ATRX: variants seen among roughly 807,000 people sequenced by gnomAD.
ATRX encodes ATRX chromatin remodeler.
A neutral mutation model predicts 172.6 loss-of-function variants in ATRX; 12 were observed. The ratio of observed to expected loss-of-function variants is 0.07; its 90% CI spans 0.04 to 0.11. The LOEUF is 0.11. Among genes scored for constraint, ATRX ranks in the 10% least tolerant of loss-of-function variants. The pLI is 1.00. For synonymous variants in ATRX, 674 were observed against 594.7 expected (o/e 1.13, Z -1.94); for missense variants, 1,368 against 1,767.4 (o/e 0.77, Z 4.05).
rs781829353 is a variant in ATRX at position 77,764,159 on chromosome X, C to CGT, written c.20+21821_20+21822dup. On this transcript the variant is annotated intron_variant, in intron 1 of 34. Coordinates refer to ENST00000373344, the MANE Select transcript of ATRX (RefSeq NM_000489.6). ...TAGAGAATGTTTTAATACCTAGCTC[C>CGT]GTATACTATAGCCTAGAACAGATTA... Among the ~76,000 whole-genome samples, 10 of 111,465 alleles carry CGT rather than the reference C, an allele frequency of 9.0e-5. No individual in the cohort carries two copies. The East Asian group carries it at 2.8e-3, about 32-fold the overall frequency.
At chrX:77,560,297 C>A (rs1418423174) in intron 28 of ATRX, among the ~76,000 whole-genome samples, 1 of 111,192 alleles carries the variant, frequency 9.0e-6, no homozygotes, top group Non-Finnish European at 1.9e-5. Context: ...AGTTCCACTC[C>A]CCAGAAACAA....
chrX:77,591,702 C>A (rs1358238271), intron 26 of ATRX, among the ~76,000 whole-genome samples: 1 of 112,002 alleles, frequency 8.9e-6, no homozygotes, highest in Non-Finnish European at 1.9e-5. Flanking sequence ...ATGACCAAGG[C>A]CTATGCTTTG....
At chrX:77,741,439 T>G (rs965850077) in intron 1 of ATRX, among the ~76,000 whole-genome samples, 13 of 104,545 alleles carry the variant, frequency 1.2e-4, no homozygotes, top group East Asian at 3.1e-4. Flanking sequence ...GACCTTTTTT[T>G]TGGGGGGGGG....
intron 14 of ATRX, among the ~76,000 whole-genome samples, chrX:77,653,649 A>G (rs1195290251): frequency 8.9e-6 from 1 of 111,915 alleles, no homozygotes; most frequent in African/African-American, 3.2e-5. Flanking sequence ...TTAAAAGTTA[A>G]TTTTCAAAAG....
intron 1 of ATRX, among the ~76,000 whole-genome samples, chrX:77,750,301 A>G (rs1180968895): frequency 9.0e-6 from 1 of 111,394 alleles, no homozygotes; most frequent in Non-Finnish European, 1.9e-5. Flanking sequence ...CTTGGAACTT[A>G]TCCCGTGTGA....
intron 1 of ATRX, among the ~76,000 whole-genome samples, chrX:77,760,013 A>T (rs1486258361): frequency 9.0e-6 from 1 of 111,397 alleles, no homozygotes; most frequent in Non-Finnish European, 1.9e-5. Flanking sequence ...GTAATCAAAA[A>T]ATTTTGGGTT....
At chrX:77,570,286 C>T (rs1178280958) in intron 28 of ATRX, among the ~76,000 whole-genome samples, 1 of 109,331 alleles carries the variant, frequency 9.1e-6, no homozygotes, top group African/African-American at 3.3e-5. Context: ...TCAAGTGATC[C>T]TCCCACATCA....
intron 30 of ATRX, among the ~76,000 whole-genome samples, chrX:77,547,599 C>T (rs1283511411): frequency 8.9e-6 from 1 of 111,793 alleles, no homozygotes; most frequent in African/African-American, 3.3e-5. Flanking sequence ...AAAATTACTA[C>T]AGAAGCATCA....
At chrX:77,545,621 T>C (rs1447349496) in intron 30 of ATRX, among the ~76,000 whole-genome samples, 3 of 111,007 alleles carry the variant, frequency 2.7e-5, no homozygotes, top group East Asian at 5.7e-4. Context: ...TTCCAGAAGA[T>C]AGTAAGAAAG....
intron 19 of ATRX, among the ~76,000 whole-genome samples, chrX:77,629,096 C>A (rs782105868): frequency 3.6e-4 from 41 of 112,488 alleles, no homozygotes; most frequent in African/African-American, 1.3e-3. Flanking sequence ...TATAAGTTTA[C>A]AACCTCAGCT....
At chrX:77,782,750 C>T (rs1160214276) in intron 1 of ATRX, among the ~76,000 whole-genome samples, 7 of 110,857 alleles carry the variant, frequency 6.3e-5, no homozygotes, top group Non-Finnish European at 9.4e-5. Context: ...GAGACTCCAT[C>T]TCAAAAAAAA....
chrX:77,533,245 T>C (rs782143102), intron 30 of ATRX, among the ~76,000 whole-genome samples: 59 of 112,145 alleles, frequency 5.3e-4, no homozygotes, highest in African/African-American at 1.7e-3. Context: ...GAGGCAGAAA[T>C]AACATTTGAC....
At chrX:77,624,590 G>T (rs2067741803) in intron 19 of ATRX, among the ~76,000 whole-genome samples, 1 of 110,744 alleles carries the variant, frequency 9.0e-6, no homozygotes, top group Admixed American at 9.7e-5. Flanking sequence ...CAACCAAGTG[G>T]AGAATCAAAT....
chrX:77,546,249 G>T (rs1185991095), intron 30 of ATRX, among the ~76,000 whole-genome samples: 2 of 111,389 alleles, frequency 1.8e-5, no homozygotes, highest in African/African-American at 6.5e-5. Context: ...TACCTGCTTT[G>T]TAAGGATTAA....
At chrX:77,525,323 T>A (rs942912306) in intron 30 of ATRX, among the ~76,000 whole-genome samples, 1 of 112,052 alleles carries the variant, frequency 8.9e-6, no homozygotes, top group Admixed American at 9.5e-5. Context: ...CCAATCTGCA[T>A]TAATTTATTC....
intron 22 of ATRX, among the ~76,000 whole-genome samples, chrX:77,605,319 T>C (rs781901310): frequency 2.7e-5 from 3 of 110,774 alleles, no homozygotes; most frequent in East Asian, 2.8e-4. Context: ...TCCCAGCTAC[T>C]TGGGAGGCTG....
intron 25 of ATRX, chrX:77,594,363 G>A (rs2066397314): frequency 9.0e-6 from 1 of 111,593 alleles, no homozygotes; most frequent in South Asian, 3.7e-4. Context: ...ATTGACCCCA[G>A]AATCAGCATA....
At chrX:77,668,849 A>C (rs2070396875) in intron 10 of ATRX, among the ~76,000 whole-genome samples, 2 of 110,733 alleles carry the variant, frequency 1.8e-5, no homozygotes, top group Non-Finnish European at 3.8e-5. Flanking sequence ...AAAAAAAAAA[A>C]AAACATAGGA....
intron 1 of ATRX, among the ~76,000 whole-genome samples, chrX:77,768,766 A>G (rs1410817580): frequency 8.9e-6 from 1 of 112,035 alleles, no homozygotes; most frequent in African/African-American, 3.2e-5. Flanking sequence ...TTATAATAAT[A>G]ACATTAAAAA....
Sources: allele counts gnomAD v4.1 joint callset (sites outside exome capture counted in the v4.1 genomes callset), GRCh38; gene constraint gnomAD v4.1.1; transcripts MANE v1.5; gene names NCBI Gene and HGNC (gene_info 2026-07-23, HGNC 2026-07-21).